ELMOD1: variants seen among roughly 807,000 people sequenced by gnomAD.
The protein encoded by ELMOD1 is ELMO domain-containing protein 1.
ELMOD1 carries 21 observed loss-of-function variants against 46.7 expected under a neutral mutation model. The ratio of observed to expected loss-of-function variants is 0.45; its 90% CI spans 0.32 to 0.65. The LOEUF is 0.65. ELMOD1 is among the 30% of genes least tolerant of loss of function. The pLI is 0.04. For synonymous variants in ELMOD1, 122 were observed against 138.2 expected (o/e 0.88, Z 0.82); for missense variants, 348 against 407.8 (o/e 0.85, Z 1.26).
intron 11 of ELMOD1, among the ~76,000 whole-genome samples, chr11:107,659,271 T>A (rs1219200664): frequency 6.6e-6 from 1 of 152,136 alleles, no homozygotes; most frequent in Non-Finnish European, 1.5e-5. Context: ...CCCTGGCCCC[T>A]TATACTTGCC....
chr11:107,650,478 G>T lies in ELMOD1; in HGVS notation c.623+75G>T. The T allele has an allele frequency of 6.7e-6, 7 of 1,050,090 alleles. No individual in the cohort carries two copies. The South Asian group carries it at 9.6e-5, about 14-fold the overall frequency. The allele number at this position is 1,050,090 out of a possible 1,614,324, so 65.0% of individuals were successfully genotyped here. A position where few individuals can be genotyped will look rare whatever the true frequency, so the allele number is the denominator to read the frequency against. ...TGAACTTCATCTCCTACATGTATCT[G>T]TTGATGAGATTCTCAGGAGAGTGAG... On this transcript the variant is annotated intron_variant, in intron 8 of 11. Transcript: ENST00000265840.
chr11:107,619,663 C>T (rs148960622), intron 2 of ELMOD1, among the ~76,000 whole-genome samples: 4 of 152,098 alleles, frequency 2.6e-5, no homozygotes, highest in Non-Finnish European at 4.4e-5. Flanking sequence ...AAAATAGTAG[C>T]CTTTGGTTCT....
intron 9 of ELMOD1, 47 bp downstream of exon 9, chr11:107,650,955 GAAT>G: frequency 9.7e-7 from 1 of 1,026,506 alleles, no homozygotes; most frequent in Non-Finnish European, 1.3e-6. Flanking sequence ...TTTTGTCTTA[GAAT>G]AAGTATGGGT....
chr11:107,643,417 A>G (rs1213840485), intron 6 of ELMOD1: 1 of 225,728 alleles, frequency 4.4e-6, no homozygotes, highest in African/African-American at 2.4e-5. Context: ...ATCTTAAAGT[A>G]TGCTGGTCCA....
At chr11:107,623,470 G>A (rs548435967) in intron 2 of ELMOD1, 2 of 152,290 alleles carry the variant, frequency 1.3e-5, no homozygotes, top group South Asian at 2.1e-4. Flanking sequence ...CAATATACCC[G>A]AAAGCCACGG....
intron 6 of ELMOD1, among the ~76,000 whole-genome samples, chr11:107,645,089 A>ATTTTTTTTTTTTTTTTT (rs11390120): frequency 9.7e-6 from 1 of 103,206 alleles, no homozygotes; most frequent in Non-Finnish European, 1.9e-5. Context: ...TGCCTGGCTA[A>ATTTTTTTTTTTTTTTTT]TTTTTTTTTT....
intron 6 of ELMOD1, 132 bp downstream of exon 6, chr11:107,635,897 G>A (rs1866221777): frequency 1.1e-6 from 1 of 877,568 alleles, no homozygotes; most frequent in Non-Finnish European, 1.6e-6. Flanking sequence ...TAACTGGTTG[G>A]TAAGGTCAAG....
intron 11 of ELMOD1, among the ~76,000 whole-genome samples, chr11:107,661,190 G>T (rs1162776389): frequency 6.6e-6 from 1 of 152,128 alleles, no homozygotes. Context: ...CCTGAGCATG[G>T]CGTCAGATTG....
intron 6 of ELMOD1, among the ~76,000 whole-genome samples, chr11:107,639,023 A>T (rs2135697677): frequency 6.6e-6 from 1 of 152,262 alleles, no homozygotes; most frequent in Non-Finnish European, 1.5e-5. Flanking sequence ...GGTGATGTGC[A>T]CCTGTAGTAC....
At chr11:107,617,103 C>G (rs549788095) in intron 1 of ELMOD1, among the ~76,000 whole-genome samples, 2 of 152,134 alleles carry the variant, frequency 1.3e-5, no homozygotes, top group African/African-American at 2.4e-5. Context: ...TTTCTCCTTC[C>G]AATCCTAAAC....
At chr11:107,594,061 TG>T (rs1865450747) in intron 1 of ELMOD1, among the ~76,000 whole-genome samples, 1 of 151,904 alleles carries the variant, frequency 6.6e-6, no homozygotes, top group African/African-American at 2.4e-5. Flanking sequence ...CATGGGGAAA[TG>T]GGGCAGGGGG....
At chr11:107,662,520 G>A (rs1247618077) in intron 11 of ELMOD1, among the ~76,000 whole-genome samples, 1 of 151,334 alleles carries the variant, frequency 6.6e-6, no homozygotes, top group Admixed American at 6.6e-5. Context: ...TGAGGCAGGA[G>A]AATCGCTTGA....
chr11:107,657,975 G>A (rs1204434831), intron 11 of ELMOD1, among the ~76,000 whole-genome samples: 3 of 152,106 alleles, frequency 2.0e-5, no homozygotes, highest in Non-Finnish European at 4.4e-5. Context: ...AAATTAAGTG[G>A]GAAGCCAGGC....
At chr11:107,627,794 C>T (rs1448337495) in intron 2 of ELMOD1, among the ~76,000 whole-genome samples, 2 of 152,144 alleles carry the variant, frequency 1.3e-5, no homozygotes, top group Non-Finnish European at 2.9e-5. Flanking sequence ...TCATAAGGGT[C>T]GTCCTCTTCT....
intron 7 of ELMOD1, among the ~76,000 whole-genome samples, chr11:107,648,228 C>T (rs1866466916): frequency 1.3e-5 from 2 of 152,290 alleles, no homozygotes; most frequent in South Asian, 4.1e-4. Flanking sequence ...GCCCTTTGGT[C>T]TTCTTAAATT....
intron 1 of ELMOD1, among the ~76,000 whole-genome samples, chr11:107,613,510 C>G (rs574451936): frequency 6.6e-6 from 1 of 151,862 alleles, no homozygotes; most frequent in Non-Finnish European, 1.5e-5. Flanking sequence ...CTGTATTAAA[C>G]TATGCTGCGT....
intron 1 of ELMOD1, among the ~76,000 whole-genome samples, chr11:107,616,050 C>T (rs1205300903): frequency 2.2e-5 from 3 of 135,574 alleles, no homozygotes; most frequent in East Asian, 4.3e-4. Context: ...GGCTGGAGTG[C>T]AGTGGTGCCA....
rs186319863 is a variant in ELMOD1, at chr11:107,615,468, C to T, written c.-85-2637C>T. 6.2e-3 allele frequency among the ~76,000 whole-genome samples: 936 copies of T among 151,958 alleles called. 11 individuals are homozygous for T. The highest frequency in any genetic ancestry group is 0.02 in the African/African-American group (818 of 41,466). ...CAGGATGGTCTCGATCTCCTCACCT[C>T]GTGATCCACCCACCTCGGCCTCCCA... On this transcript the variant is annotated intron_variant, in intron 1 of 11. Transcript: ENST00000265840.
chr11:107,614,807 A>G (rs1260008039), intron 1 of ELMOD1, among the ~76,000 whole-genome samples: 2 of 152,026 alleles, frequency 1.3e-5, no homozygotes, highest in African/African-American at 4.8e-5. Flanking sequence ...TATTTTTCCC[A>G]TCCCTCTCAC....
Sources: gnomAD v4.1 joint callset for allele counts (sites outside exome capture counted in the v4.1 genomes callset) on GRCh38, gnomAD v4.1.1 for gene constraint, MANE v1.5 for transcripts, NCBI Gene and HGNC (gene_info 2026-07-23, HGNC 2026-07-21) for gene names.